The following NRDC variants were observed in gnomAD, a reference collection of about 807,000 sequenced individuals.
NRDC encodes the protein nardilysin convertase, also known as nardilysin.
A neutral mutation model predicts 147.1 loss-of-function variants in NRDC; 54 were observed. That is an observed-to-expected ratio of 0.37 (90% CI 0.29 to 0.46). NRDC has a LOEUF of 0.46. Ranked by LOEUF, NRDC falls within the 20% of genes least tolerant of loss-of-function variation. NRDC has a pLI of 1.00. For synonymous variants in NRDC, 440 were observed against 482.1 expected (o/e 0.91, Z 1.14); for missense variants, 1,082 against 1,370.6 (o/e 0.79, Z 3.33).
intron 3 of NRDC, 40 bp downstream of exon 3, chr1:51,836,091 G>GA (rs767003822): frequency 4.6e-6 from 7 of 1,510,922 alleles, no homozygotes; most frequent in Admixed American, 3.4e-5. Flanking sequence ...TTGGAGGGGG[G>GA]AAAAAAACAC....
At chr1:51,866,249 A>G (rs1192853049) in intron 1 of NRDC, among the ~76,000 whole-genome samples, 1 of 152,106 alleles carries the variant, frequency 6.6e-6, no homozygotes, top group Non-Finnish European at 1.5e-5. Context: ...AAAAACTAAC[A>G]GTATCAATAA....
intron 1 of NRDC, among the ~76,000 whole-genome samples, chr1:51,846,240 G>C (rs1273627854): frequency 6.6e-6 from 1 of 151,984 alleles, no homozygotes. Flanking sequence ...AAGCTCCCGG[G>C]TAGCTGGGAC....
chr1:51,822,928 G>A (rs1680270915), intron 7 of NRDC, among the ~76,000 whole-genome samples: 1 of 152,090 alleles, frequency 6.6e-6, no homozygotes, highest in African/African-American at 2.4e-5. Flanking sequence ...TATAAAAAGG[G>A]GAATCACATT....
Position 51,844,319 on chromosome 1 carries a change from TTAA to T in NRDC, c.342-3808_342-3806del, listed in dbSNP as rs1681424553. ...AGAGACAGGGCCTTTAAAGAGGTAA[TTAA>T]GCTAAACATCAGGCCTCTAAAGTAG... On this transcript the variant is annotated intron_variant, in intron 1 of 30. Transcript: ENST00000352171. Among the ~76,000 whole-genome samples the T allele has an allele frequency of 2.0e-5, 3 of 152,022 alleles. No individual in the cohort carries two copies. In the South Asian group the frequency reaches 6.2e-4, roughly 32 times the overall value.
At chr1:51,793,640 A>G (rs1399872649) in intron 24 of NRDC, among the ~76,000 whole-genome samples, 1 of 152,220 alleles carries the variant, frequency 6.6e-6, no homozygotes, top group Non-Finnish European at 1.5e-5. Flanking sequence ...CCAGGGGCAG[A>G]GATACAAGAC....
intron 20 of NRDC, 121 bp from the exon 21 acceptor site, chr1:51,800,804 C>A: frequency 1.1e-6 from 1 of 941,096 alleles, no homozygotes; most frequent in Non-Finnish European, 1.6e-6. Context: ...TGTGGGGGGA[C>A]ATAAGAAAAT....
chr1:51,847,217 A>G (rs1322967286), intron 1 of NRDC, among the ~76,000 whole-genome samples: 3 of 152,184 alleles, frequency 2.0e-5, no homozygotes, highest in Non-Finnish European at 2.9e-5. Flanking sequence ...ATTAACCTCG[A>G]GCTAGGCACA....
intron 7 of NRDC, among the ~76,000 whole-genome samples, chr1:51,822,380 T>G (rs1036842585): frequency 5.3e-5 from 8 of 152,168 alleles, no homozygotes; most frequent in Non-Finnish European, 7.4e-5. Flanking sequence ...TACATAGTTT[T>G]CATCAAAACT....
chr1:51,807,699 C>G (rs901416063), intron 17 of NRDC, among the ~76,000 whole-genome samples: 2 of 152,042 alleles, frequency 1.3e-5, no homozygotes, highest in Admixed American at 6.5e-5. Context: ...AGAGTAAAAC[C>G]CTAACTCAGA....
intron 19 of NRDC, among the ~76,000 whole-genome samples, chr1:51,804,742 A>G (rs1238772351): frequency 2.0e-5 from 3 of 152,152 alleles, no homozygotes; most frequent in Non-Finnish European, 4.4e-5. Flanking sequence ...AGGTTCAGAC[A>G]CATTTCCCAA....
chr1:51,875,881 C>G (rs1424757426), intron 1 of NRDC, among the ~76,000 whole-genome samples: 2 of 151,938 alleles, frequency 1.3e-5, no homozygotes, highest in Non-Finnish European at 2.9e-5. Context: ...TGTCTGTGTC[C>G]CTCTCTACTA....
chr1:51,836,366 C>G, intron 2 of NRDC, 154 bp from the exon 3 acceptor site: 1 of 1,613,056 alleles, frequency 6.2e-7, no homozygotes, highest in Non-Finnish European at 8.5e-7. Flanking sequence ...AAGTGAAACT[C>G]ACCAGAACTG....
chr1:51,828,922 A>G (rs1257554741), intron 4 of NRDC, among the ~76,000 whole-genome samples: 1 of 152,024 alleles, frequency 6.6e-6, no homozygotes, highest in Non-Finnish European at 1.5e-5. Flanking sequence ...GTCTCCCTAT[A>G]TTGCTCAGGC....
At position 51,794,552 on chromosome 1, in the gene NRDC, G is replaced by A. The variant is rs1165065979; in HGVS notation, c.2695C>T (p.Leu899=). 1 of 1,614,176 alleles carries A rather than the reference G, an allele frequency of 6.2e-7. No individual in the cohort carries two copies. The change falls in exon 24 of 31, where the codon CTG becomes TTG. Residue 899 remains leucine, a synonymous_variant. Coordinates refer to ENST00000352171, the MANE Select transcript of NRDC (RefSeq NM_001101662.2). ...EMPVQFQVVE[L]PSGHHLCKVK... The stretch of plus-strand genomic sequence containing the variant: ...TTGCATAGATGGTGGCCACTGGGCA[G>A]CTCTACCACCTGGAACTGCACAGGC...
chr1:51,791,934 A>G (rs544677792), intron 26 of NRDC, 112 bp downstream of exon 26: 28 of 1,092,998 alleles, frequency 2.6e-5, no homozygotes, highest in South Asian at 2.5e-4. Context: ...ATATCACCCT[A>G]TGAGATGGAA....
rs771278125 is a variant in NRDC, at chr1:51,789,395, A to G, written c.3297T>C (p.Gly1099=). 2.5e-6 allele frequency: 4 copies of G among 1,614,152 alleles called. No individual in the cohort carries two copies. The highest frequency in any genetic ancestry group is 1.7e-5 in the Admixed American group (1 of 60,020). The change falls in exon 31 of 31, where the codon GGT becomes GGC. Residue 1099 remains glycine (G), a synonymous_variant. Coordinates refer to ENST00000352171, the MANE Select transcript of NRDC (RefSeq NM_001101662.2). ...GYGKYELEED[G]TPSSEDSNSS... is the part of the protein sequence containing the mutation. The stretch of plus-strand genomic sequence containing the variant: ...AATTTGAATCCTCACTAGAAGGGGT[A>G]CCATCCTCTTCCAGTTCATACTTCC...
At chr1:51,851,547 A>G (rs780757611) in intron 1 of NRDC, among the ~76,000 whole-genome samples, 37 of 107,230 alleles carry the variant, frequency 3.5e-4, no homozygotes, top group East Asian at 1.1e-3. Context: ...GGGCCCAAGG[A>G]AAAAAAAAAA....
chr1:51,845,516 C>A (rs1221010533), intron 1 of NRDC, among the ~76,000 whole-genome samples: 1 of 152,166 alleles, frequency 6.6e-6, no homozygotes, highest in Non-Finnish European at 1.5e-5. Context: ...TCACTCGAAC[C>A]CGGGAGGCGG....
In NRDC at chr1:51,794,613, G is replaced by C; in HGVS notation, c.2637-3C>G. On this transcript the variant is annotated splice_polypyrimidine_tract_variant and splice_region_variant and intron_variant, in intron 23 of 30. Coordinates refer to ENST00000352171, the MANE Select transcript of NRDC (RefSeq NM_001101662.2). The stretch of plus-strand genomic sequence containing the variant: ...CCAGAGGCTTGAAGTTTAGTTTGCT[G>C]CAAGAGAATCAGTATGGGTCACTGA... The C allele has an allele frequency of 6.2e-7, 1 of 1,614,062 alleles. No individual in the cohort carries two copies. Among genetic ancestry groups the C allele is most frequent in the Non-Finnish European group, 8.5e-7 (1 of 1,179,916 alleles).
Sources: gnomAD v4.1 joint callset for allele counts (sites outside exome capture counted in the v4.1 genomes callset) on GRCh38, gnomAD v4.1.1 for gene constraint, MANE v1.5 for transcripts, NCBI Gene and HGNC (gene_info 2026-07-23, HGNC 2026-07-21) for gene names.